The following GRIK2 variants were observed in gnomAD, a reference collection of about 807,000 sequenced individuals.
GRIK2 encodes the protein glutamate receptor ionotropic, kainate 2.
GRIK2 carries 32 observed loss-of-function variants against 100.3 expected under a neutral mutation model. The ratio of observed to expected loss-of-function variants is 0.32; its 90% CI spans 0.24 to 0.43. The LOEUF (loss-of-function observed/expected upper bound fraction) is 0.43. Ranked by LOEUF, GRIK2 falls within the 20% of genes least tolerant of loss-of-function variation. GRIK2 has a pLI of 1.00. For missense variants in GRIK2, 843 were observed against 1,114.9 expected (o/e 0.76, Z 3.47); for synonymous variants, 417 against 389.4 (o/e 1.07, Z -0.83).
At chr6:101,913,995 A>G (rs1788930699) in intron 12 of GRIK2, among the ~76,000 whole-genome samples, 1 of 151,658 alleles carries the variant, frequency 6.6e-6, no homozygotes, top group African/African-American at 2.4e-5. Flanking sequence ...GAGAAGATTT[A>G]CTTAATAGTC....
At chr6:101,692,342 G>A (rs1772169267) in intron 7 of GRIK2, among the ~76,000 whole-genome samples, 1 of 152,038 alleles carries the variant, frequency 6.6e-6, no homozygotes, top group African/African-American at 2.4e-5. Flanking sequence ...AAAGAATAAA[G>A]AGTAGCAACA....
At position 101,985,160 on chromosome 6, in the gene GRIK2, A is replaced by T. The variant is rs186047554; in HGVS notation, c.2086-50181A>T. ...AATTGAAGTAAATTTAAAACTTCATACCATTCCCTCAAGGATTAAAATTCA... is the reference window on the plus strand; with the variant it reads ...AATTGAAGTAAATTTAAAACTTCATTCCATTCCCTCAAGGATTAAAATTCA... On this transcript the variant is annotated intron_variant, in intron 14 of 16. Transcript: ENST00000369134. Among the ~76,000 whole-genome samples, 67 of 151,880 alleles carry T rather than the reference A, an allele frequency of 4.4e-4. 1 individual carries two copies. Among genetic ancestry groups the T allele is most frequent in the African/African-American group, 1.6e-3 (67 of 41,536 alleles).
At chr6:101,632,114 G>T (rs1274712452) in intron 4 of GRIK2, among the ~76,000 whole-genome samples, 1 of 151,994 alleles carries the variant, frequency 6.6e-6, no homozygotes, top group East Asian at 1.9e-4. Flanking sequence ...GTGCACATTT[G>T]CACAAACACA....
intron 14 of GRIK2, among the ~76,000 whole-genome samples, chr6:101,962,669 T>A (rs1279932698): frequency 6.6e-6 from 1 of 152,224 alleles, no homozygotes; most frequent in Non-Finnish European, 1.5e-5. Context: ...ATTTCACATT[T>A]TAATTCTGTA....
At chr6:102,022,742 A>T (rs924448959) in intron 14 of GRIK2, among the ~76,000 whole-genome samples, 1 of 151,562 alleles carries the variant, frequency 6.6e-6, no homozygotes, top group Non-Finnish European at 1.5e-5. Context: ...TACCTTCATC[A>T]CTTGATTCAG....
At chr6:102,064,310 T>TCTC (rs1230809815) in intron 16 of GRIK2, among the ~76,000 whole-genome samples, 1 of 148,632 alleles carries the variant, frequency 6.7e-6, no homozygotes, top group Non-Finnish European at 1.5e-5. Context: ...CTCCTCTCCT[T>TCTC]CTCCTCCTCC....
At chr6:101,821,158 A>G (rs1209691762) in intron 10 of GRIK2, among the ~76,000 whole-genome samples, 2 of 152,190 alleles carry the variant, frequency 1.3e-5, no homozygotes, top group East Asian at 3.8e-4. Context: ...GGTTATTAAA[A>G]TTATCTAGTA....
chr6:101,541,309 G>A lies in GRIK2; in HGVS notation c.116-80640G>A, dbSNP rs546006412. Among the ~76,000 whole-genome samples, 24 of 151,556 alleles carry A rather than the reference G, an allele frequency of 1.6e-4. No individual in the cohort carries two copies. In the South Asian group the frequency reaches 4.8e-3, roughly 30 times the overall value. ...GGCTGAGAGTGTTATATCGAAGATGGGATGGGCTAGGAATTAGAAGTCGCC... is the reference window on the plus strand; with the variant it reads ...GGCTGAGAGTGTTATATCGAAGATGAGATGGGCTAGGAATTAGAAGTCGCC... On this transcript the variant is annotated intron_variant, in intron 2 of 16. Transcript: ENST00000369134.
intron 15 of GRIK2, among the ~76,000 whole-genome samples, chr6:102,050,337 A>ACGGAAGGAAG (rs2114487017): frequency 6.6e-6 from 1 of 152,018 alleles, no homozygotes; most frequent in Non-Finnish European, 1.5e-5. Context: ...AGTGGAAGTT[A>ACGGAAGGAAG]GGGAAGGAAG....
At chr6:101,642,660 C>T (rs1247774587) in intron 4 of GRIK2, among the ~76,000 whole-genome samples, 1 of 151,540 alleles carries the variant, frequency 6.6e-6, no homozygotes, top group Non-Finnish European at 1.5e-5. Context: ...GGGTTGCTTC[C>T]ACCTTTTAGC....
At chr6:101,598,835 G>A (rs1489350252) in intron 2 of GRIK2, among the ~76,000 whole-genome samples, 2 of 151,438 alleles carry the variant, frequency 1.3e-5, no homozygotes, top group African/African-American at 2.4e-5. Flanking sequence ...TCTCTTTCCT[G>A]TGGAAAGTGA....
In GRIK2 at chr6:101,563,904, A is replaced by T. The variant is rs149730803; in HGVS notation, c.116-58045A>T. ...GAAAAACAAAAAAAAATAAGCTTTA[A>T]TACTTTAAAAAATGCAACAAACAAT... On this transcript the variant is annotated intron_variant, in intron 2 of 16. Coordinates refer to ENST00000369134, the MANE Select transcript of GRIK2 (RefSeq NM_021956.5). 8.0e-3 allele frequency among the ~76,000 whole-genome samples: 1,211 copies of T among 152,266 alleles called. 6 individuals are homozygous for T. The highest frequency in any genetic ancestry group is 0.013 in the Non-Finnish European group (887 of 68,016).
At chr6:101,654,470 C>T (rs1305467486) in intron 4 of GRIK2, among the ~76,000 whole-genome samples, 1 of 152,156 alleles carries the variant, frequency 6.6e-6, no homozygotes, top group African/African-American at 2.4e-5. Flanking sequence ...GGCCTACATT[C>T]TCTAGAGCCT....
At chr6:101,480,674 C>G (rs1772481303) in intron 2 of GRIK2, among the ~76,000 whole-genome samples, 1 of 151,800 alleles carries the variant, frequency 6.6e-6, no homozygotes, top group South Asian at 2.1e-4. Context: ...AGTGTGTTAC[C>G]AAGATTTTTC....
In GRIK2 at chr6:101,626,367, A is replaced by G. The variant is rs56357508; in HGVS notation, c.284-13A>G. On this transcript the variant is annotated splice_polypyrimidine_tract_variant and intron_variant, in intron 3 of 16. Transcript: ENST00000369134. ...CTCCTCTCATTATTGACAGACCTTT[A>G]TCTCCTCTTCAGCCTGTGATCAGCT... The G allele has an allele frequency of 0.025, 40,196 of 1,605,838 alleles. 641 individuals carry two copies. Among genetic ancestry groups the G allele is most frequent in the Non-Finnish European group, 0.03 (35,467 of 1,175,172 alleles).
chr6:102,055,865 C>A (rs1354383035), intron 16 of GRIK2, among the ~76,000 whole-genome samples: 2 of 151,692 alleles, frequency 1.3e-5, no homozygotes. Flanking sequence ...AAAAAATAAA[C>A]TTTTGTTGTT....
chr6:101,683,853 A>T (rs962242415), intron 6 of GRIK2, among the ~76,000 whole-genome samples: 2 of 152,116 alleles, frequency 1.3e-5, no homozygotes, highest in East Asian at 3.9e-4. Flanking sequence ...CTCCTGTATC[A>T]CCAACAAAAT....
At chr6:102,032,607 C>T (rs896608905) in intron 14 of GRIK2, among the ~76,000 whole-genome samples, 6 of 151,378 alleles carry the variant, frequency 4.0e-5, no homozygotes, top group South Asian at 2.1e-4. Context: ...TCCCTCCCAT[C>T]GAGTTCATAT....
intron 7 of GRIK2, among the ~76,000 whole-genome samples, chr6:101,782,150 G>C (rs149986678): frequency 6.6e-6 from 1 of 152,160 alleles, no homozygotes; most frequent in Non-Finnish European, 1.5e-5. Flanking sequence ...ATCGAGTCAC[G>C]GTATTTGGGA....
Sources: gnomAD v4.1 joint callset for allele counts (sites outside exome capture counted in the v4.1 genomes callset) on GRCh38, gnomAD v4.1.1 for gene constraint, MANE v1.5 for transcripts, NCBI Gene and HGNC (gene_info 2026-07-23, HGNC 2026-07-21) for gene names.